The following R3HDM2 variants were observed in gnomAD, a reference collection of about 807,000 sequenced individuals.
R3HDM2 encodes the protein R3H domain containing 2, also known as R3H domain-containing protein 2.
A neutral mutation model predicts 124.5 loss-of-function variants in R3HDM2; 38 were observed. That is an observed-to-expected ratio of 0.31 (90% CI 0.24 to 0.40). The LOEUF (loss-of-function observed/expected upper bound fraction) is 0.40, where lower values mean the gene tolerates loss of function less well. Among genes scored for constraint, R3HDM2 ranks in the 10% least tolerant of loss-of-function variants. The pLI is 1.00. For missense variants in R3HDM2, 869 were observed against 1,236.9 expected (o/e 0.70, Z 4.46); for synonymous variants, 391 against 448.0 (o/e 0.87, Z 1.61).
intron 1 of R3HDM2, among the ~76,000 whole-genome samples, chr12:57,427,844 T>A (rs1868316201): frequency 6.6e-6 from 1 of 151,992 alleles, no homozygotes; most frequent in Non-Finnish European, 1.5e-5. Context: ...GGCTCACACC[T>A]GTAATCCCTA....
Position 57,268,470 on chromosome 12 carries a change from G to A in R3HDM2, c.1876-13C>T, listed in dbSNP as rs375121494. ...TACCCACTGGAACCTGGGTGAGAAAGAGAAGAGAAAGAATCACATTCGCAT... is the reference window on the plus strand; with the variant it reads ...TACCCACTGGAACCTGGGTGAGAAAAAGAAGAGAAAGAATCACATTCGCAT... On this transcript the variant is annotated splice_polypyrimidine_tract_variant and intron_variant, in intron 17 of 23. Coordinates refer to ENST00000402412, the MANE Select transcript of R3HDM2 (RefSeq NM_001394031.1). The A allele has an allele frequency of 3.4e-5, 55 of 1,613,402 alleles. No homozygotes were observed. The highest frequency in any genetic ancestry group is 4.5e-5 in the Non-Finnish European group (53 of 1,179,728).
chr12:57,422,716 C>G (rs1195592227), intron 1 of R3HDM2, among the ~76,000 whole-genome samples: 2 of 152,210 alleles, frequency 1.3e-5, no homozygotes, highest in Non-Finnish European at 2.9e-5. Flanking sequence ...TAATTCACAT[C>G]TACAATCCCA....
At chr12:57,408,451 C>T (rs1378673743) in intron 1 of R3HDM2, among the ~76,000 whole-genome samples, 4 of 151,990 alleles carry the variant, frequency 2.6e-5, no homozygotes, top group Non-Finnish European at 5.9e-5. Context: ...CAATAAGGGG[C>T]CGGGCTTGGT....
chr12:57,398,891 C>A (rs1305403026), intron 1 of R3HDM2, among the ~76,000 whole-genome samples: 2 of 152,236 alleles, frequency 1.3e-5, no homozygotes. Flanking sequence ...CAAATCCAAT[C>A]TTCTGAGGCA....
intron 3 of R3HDM2, among the ~76,000 whole-genome samples, chr12:57,307,297 A>C (rs2052830738): frequency 7.4e-6 from 1 of 134,374 alleles, no homozygotes; most frequent in Non-Finnish European, 1.6e-5. Context: ...GGAGAAGCAG[A>C]AATGCTGGGT....
chr12:57,409,761 G>A (rs1161090835), intron 1 of R3HDM2, among the ~76,000 whole-genome samples: 1 of 151,980 alleles, frequency 6.6e-6, no homozygotes, highest in African/African-American at 2.4e-5. Flanking sequence ...TTTATGAATA[G>A]AAATAAGCTA....
At chr12:57,390,249 T>C (rs1446276561) in intron 2 of R3HDM2, among the ~76,000 whole-genome samples, 2 of 151,836 alleles carry the variant, frequency 1.3e-5, no homozygotes, top group Admixed American at 6.6e-5. Context: ...CATCAGGCAG[T>C]GAACGATAGT....
intron 16 of R3HDM2, 65 bp from the exon 17 acceptor site, chr12:57,269,147 A>G: frequency 6.3e-7 from 1 of 1,585,740 alleles, no homozygotes; most frequent in Non-Finnish European, 8.6e-7. Flanking sequence ...TCTATCTGTA[A>G]TTTCCTTCTC....
Position 57,413,348 on chromosome 12 carries a change from CTT to C in R3HDM2, c.-106+17370_-106+17371del, listed in dbSNP as rs201870196. Reference sequence around the variant, plus strand: ...GTAGCTCATGTCTGTACTCCCAACACTTTGGGATGCTGAGGTGGGAGAATCGC... The same window carrying C: ...GTAGCTCATGTCTGTACTCCCAACACTGGGATGCTGAGGTGGGAGAATCGC... On this transcript the variant is annotated intron_variant, in intron 1 of 23. Transcript: ENST00000402412. Among the ~76,000 whole-genome samples, 321 of 150,264 alleles carry C rather than the reference CTT, an allele frequency of 2.1e-3. 8 individuals carry two copies. In the East Asian group the frequency reaches 0.051, roughly 24 times the overall value.
rs988861312 is a variant in R3HDM2, at chr12:57,385,042, G to A, written c.-36+10707C>T. 2.6e-5 allele frequency among the ~76,000 whole-genome samples: 4 copies of A among 151,958 alleles called. No homozygotes were observed. The East Asian group carries it at 7.9e-4, about 30-fold the overall frequency. The stretch of plus-strand genomic sequence containing the variant: ...GGTGCCTGTAATCCCAGCTACTCAG[G>A]AGGCTGAGGCAGAGAACTGCTTGAA... On this transcript the variant is annotated intron_variant, in intron 2 of 23. Transcript: ENST00000402412.
At chr12:57,256,604 C>A in intron 21 of R3HDM2, 93 bp from the exon 22 acceptor site, 1 of 844,014 alleles carries the variant, frequency 1.2e-6, no homozygotes, top group Non-Finnish European at 1.8e-6. Context: ...AGCAACAATG[C>A]ATACTATTCC....
chr12:57,289,791 A>C (rs995498505), intron 11 of R3HDM2, among the ~76,000 whole-genome samples: 2 of 152,232 alleles, frequency 1.3e-5, no homozygotes, highest in African/African-American at 4.8e-5. Flanking sequence ...AGAAGGCTGC[A>C]GCAGCAGCAT....
chr12:57,362,630 G>C (rs960997347), intron 2 of R3HDM2, among the ~76,000 whole-genome samples: 2 of 152,100 alleles, frequency 1.3e-5, no homozygotes, highest in African/African-American at 4.8e-5. Context: ...GAGCCAATTT[G>C]ACCTTGTACT....
chr12:57,273,499 A>G (rs1287648886), intron 14 of R3HDM2, among the ~76,000 whole-genome samples: 1 of 152,164 alleles, frequency 6.6e-6, no homozygotes, highest in Non-Finnish European at 1.5e-5. Flanking sequence ...ACATTGGTAT[A>G]TATTATCTTA....
chr12:57,392,657 G>A (rs1322865573), intron 2 of R3HDM2, among the ~76,000 whole-genome samples: 2 of 151,990 alleles, frequency 1.3e-5, no homozygotes, highest in Admixed American at 1.3e-4. Context: ...GCAATGGCGC[G>A]ATCTCGGCTC....
chr12:57,260,753 T>C (rs908334220), intron 19 of R3HDM2, among the ~76,000 whole-genome samples: 2 of 152,184 alleles, frequency 1.3e-5, no homozygotes, highest in Non-Finnish European at 2.9e-5. Context: ...GCTCCAGGGC[T>C]GCCACTGCTG....
intron 2 of R3HDM2, among the ~76,000 whole-genome samples, chr12:57,388,542 AC>A (rs919286801): frequency 6.6e-6 from 1 of 152,174 alleles, no homozygotes; most frequent in Non-Finnish European, 1.5e-5. Context: ...TAATGATAAC[AC>A]CTTGTGCAGT....
intron 2 of R3HDM2, among the ~76,000 whole-genome samples, chr12:57,313,326 G>A (rs1220937324): frequency 2.6e-5 from 4 of 152,140 alleles, no homozygotes; most frequent in Admixed American, 2.0e-4. Context: ...TTGGGAGGCT[G>A]AGCCAGCAGG....
intron 12 of R3HDM2, among the ~76,000 whole-genome samples, chr12:57,287,429 C>A (rs2047601103): frequency 3.9e-5 from 6 of 152,146 alleles, no homozygotes; most frequent in Admixed American, 3.9e-4. Context: ...ACCAACAATG[C>A]AAGGTCCTCT....
Sources: gnomAD v4.1 joint callset for allele counts (sites outside exome capture counted in the v4.1 genomes callset) on GRCh38, gnomAD v4.1.1 for gene constraint, MANE v1.5 for transcripts, NCBI Gene and HGNC (gene_info 2026-07-23, HGNC 2026-07-21) for gene names.